CSGALNACT1: variants seen among roughly 807,000 people sequenced by gnomAD.
The protein encoded by CSGALNACT1 is beta4GalNAcT-1.
In CSGALNACT1, 52 loss-of-function variants were observed where a neutral mutation model predicts 51.0. That is an observed-to-expected ratio of 1.02 (90% confidence interval 0.82 to 1.29). CSGALNACT1 has a LOEUF of 1.29. CSGALNACT1 is among the 50% of genes most tolerant of loss of function. CSGALNACT1 has a pLI of 0.00. For missense variants in CSGALNACT1, 935 were observed against 679.2 expected, an observed-to-expected ratio of 1.38 and a Z score of -4.19; for synonymous variants, 341 against 254.4, an observed-to-expected ratio of 1.34 and a Z score of -3.24.
chr8:19,506,778 G>T (rs192298590), intron 3 of CSGALNACT1, among the ~76,000 whole-genome samples: 190 of 152,220 alleles, frequency 1.2e-3, no homozygotes, highest in African/African-American at 4.4e-3. Flanking sequence ...CCTGCTGACC[G>T]TCACCTTCCA....
At chr8:19,632,524 C>A (rs1432632020) in intron 1 of CSGALNACT1, among the ~76,000 whole-genome samples, 1 of 151,912 alleles carries the variant, frequency 6.6e-6, no homozygotes, top group South Asian at 2.1e-4. Flanking sequence ...TACCTTTCCT[C>A]GGTTTTTAAT....
At chr8:19,615,994 A>T (rs2052948302) in intron 1 of CSGALNACT1, among the ~76,000 whole-genome samples, 1 of 152,180 alleles carries the variant, frequency 6.6e-6, no homozygotes, top group South Asian at 2.1e-4. Flanking sequence ...CATATCATCA[A>T]CTCTTAAGAA....
chr8:19,522,452 C>A (rs1364119399), intron 3 of CSGALNACT1, among the ~76,000 whole-genome samples: 5 of 152,214 alleles, frequency 3.3e-5, no homozygotes, highest in Non-Finnish European at 4.4e-5. Flanking sequence ...AAAACTCTCT[C>A]TAAAATGCCA....
intron 1 of CSGALNACT1, among the ~76,000 whole-genome samples, chr8:19,635,932 G>A (rs1203488759): frequency 6.6e-6 from 1 of 152,122 alleles, no homozygotes; most frequent in Non-Finnish European, 1.5e-5. Context: ...GTTTCACCAT[G>A]TTGGCCAGGC....
chr8:19,496,958 G>T (rs12676278), intron 4 of CSGALNACT1, among the ~76,000 whole-genome samples: 47,788 of 151,858 alleles, frequency 0.31, 7,947 homozygotes, highest in East Asian at 0.53. Context: ...CCTGGGAGGG[G>T]CAAAACACTC....
At chr8:19,447,589 G>C (rs996900947) in intron 5 of CSGALNACT1, among the ~76,000 whole-genome samples, 1 of 152,190 alleles carries the variant, frequency 6.6e-6, no homozygotes, top group Non-Finnish European at 1.5e-5. Context: ...ATGTGTGGCA[G>C]CATCCCTGGA....
intron 1 of CSGALNACT1, among the ~76,000 whole-genome samples, chr8:19,647,597 C>A (rs2057393346): frequency 6.6e-6 from 1 of 152,200 alleles, no homozygotes; most frequent in African/African-American, 2.4e-5. Context: ...ATTCTTACCA[C>A]AGATCGGAGT....
At chr8:19,662,079 C>CCCCCCCCCCCCCCCCCCCCCCCCCCA (rs2058804204) in intron 1 of CSGALNACT1, among the ~76,000 whole-genome samples, 1 of 71,306 alleles carries the variant, frequency 1.4e-5, no homozygotes, top group African/African-American at 5.6e-5. Flanking sequence ...CCCCCACCCC[C>CCCCCCCCCCCCCCCCCCCCCCCCCCA]CCCCCCCCCC....
At chr8:19,442,417 G>C (rs978853041) in intron 5 of CSGALNACT1, among the ~76,000 whole-genome samples, 2 of 152,130 alleles carry the variant, frequency 1.3e-5, no homozygotes, top group Non-Finnish European at 2.9e-5. Context: ...CATGTCCTTT[G>C]TAGGGACATG....
chr8:19,525,608 C>A (rs1288626178), intron 3 of CSGALNACT1, among the ~76,000 whole-genome samples: 2 of 74,492 alleles, frequency 2.7e-5, no homozygotes, highest in African/African-American at 1.1e-4. Context: ...CAGAGGGAAA[C>A]TTGTCCCAAA....
intron 5 of CSGALNACT1, among the ~76,000 whole-genome samples, chr8:19,455,804 C>A (rs940437783): frequency 2.0e-5 from 3 of 152,208 alleles, no homozygotes; most frequent in African/African-American, 7.2e-5. Flanking sequence ...TCTGCCACAG[C>A]GCCTGGCTCT....
At chr8:19,524,650 G>C (rs2081330612) in intron 3 of CSGALNACT1, among the ~76,000 whole-genome samples, 1 of 152,042 alleles carries the variant, frequency 6.6e-6, no homozygotes, top group Non-Finnish European at 1.5e-5. Context: ...CTGTGGAGTG[G>C]TGAGTCTAAG....
intron 3 of CSGALNACT1, among the ~76,000 whole-genome samples, chr8:19,525,013 T>C (rs2081390308): frequency 6.6e-6 from 1 of 152,190 alleles, no homozygotes; most frequent in Non-Finnish European, 1.5e-5. Context: ...TGAGAAATAG[T>C]GCCTAGCACA....
chr8:19,408,909 G>C (rs1274516116), intron 8 of CSGALNACT1, among the ~76,000 whole-genome samples: 1 of 146,436 alleles, frequency 6.8e-6, no homozygotes, highest in Admixed American at 6.9e-5. Context: ...TGTGATTTTT[G>C]GCACCTCTGG....
At chr8:19,431,292 T>G (rs760761076) in intron 6 of CSGALNACT1, among the ~76,000 whole-genome samples, 1 of 152,112 alleles carries the variant, frequency 6.6e-6, no homozygotes, top group Non-Finnish European at 1.5e-5. Flanking sequence ...ATGATGTTTT[T>G]CATAGATGGT....
At chr8:19,534,332 T>C (rs2083346610) in intron 3 of CSGALNACT1, among the ~76,000 whole-genome samples, 1 of 152,010 alleles carries the variant, frequency 6.6e-6, no homozygotes, top group African/African-American at 2.4e-5. Context: ...GTGCCTTTAG[T>C]ACCAGCTACT....
At chr8:19,680,793 G>T (rs2060560243) in intron 1 of CSGALNACT1, among the ~76,000 whole-genome samples, 2 of 151,976 alleles carry the variant, frequency 1.3e-5, no homozygotes, top group Non-Finnish European at 2.9e-5. Flanking sequence ...ACGGTATTAG[G>T]TTTTTATTTA....
At chr8:19,728,407 A>G (rs1037544031) in intron 1 of CSGALNACT1, among the ~76,000 whole-genome samples, 1 of 152,182 alleles carries the variant, frequency 6.6e-6, no homozygotes, top group Non-Finnish European at 1.5e-5. Context: ...GTGCAATAGA[A>G]ATTATTAATG....
chr8:19,541,106 G>C (rs1028193592), intron 3 of CSGALNACT1, among the ~76,000 whole-genome samples: 4 of 151,596 alleles, frequency 2.6e-5, no homozygotes, highest in Admixed American at 1.3e-4. Flanking sequence ...TTTTAATGGA[G>C]TCTTGCTGTG....
Sources: gnomAD v4.1 joint callset for allele counts (sites outside exome capture counted in the v4.1 genomes callset) on GRCh38, gnomAD v4.1.1 for gene constraint, MANE v1.5 for transcripts, NCBI Gene and HGNC (gene_info 2026-07-23, HGNC 2026-07-21) for gene names.